The following TXNDC12 variants were observed in gnomAD, a reference collection of about 807,000 sequenced individuals.
The protein encoded by TXNDC12 is thioredoxin domain-containing protein 12.
Under a neutral mutation model 24.2 loss-of-function variants are expected in TXNDC12, and 22 were observed. The ratio of observed to expected loss-of-function variants is 0.91; its 90% CI spans 0.65 to 1.30. TXNDC12 has a LOEUF of 1.30. TXNDC12 is among the 50% of genes most tolerant of loss of function. The probability of loss-of-function intolerance (pLI) is 0.00; values close to 1 mark genes in which losing one functional copy is unlikely to be tolerated. For missense variants in TXNDC12, 184 were observed against 205.8 expected (o/e 0.89, Z 0.65); for synonymous variants, 58 against 73.4 (o/e 0.79, Z 1.07).
chr1:52,039,649 G>A (rs994949680), intron 2 of TXNDC12, among the ~76,000 whole-genome samples: 1 of 152,106 alleles, frequency 6.6e-6, no homozygotes, highest in Non-Finnish European at 1.5e-5. Flanking sequence ...ACGTTATACT[G>A]CGATACGCAA....
At position 52,020,922 on chromosome 1, in the gene TXNDC12, G is replaced by A; in HGVS notation, c.*11C>T. On this transcript the variant is annotated 3_prime_UTR_variant, in exon 7 of 7. Transcript: ENST00000371626. ...AACACTAACTCTGATGAAAGAAGGG[G>A]CACATTCATGTTACAATTCATCTTC... is the stretch of plus-strand genomic sequence containing the variant. 2 of 1,606,000 alleles carry A rather than the reference G, an allele frequency of 1.2e-6. No individual in the cohort carries two copies. Among genetic ancestry groups the A allele is most frequent in the Non-Finnish European group, 1.7e-6 (2 of 1,172,670 alleles).
intron 2 of TXNDC12, chr1:52,033,143 CG>C: frequency 6.2e-7 from 1 of 1,614,126 alleles, no homozygotes; most frequent in Non-Finnish European, 8.5e-7. Flanking sequence ...TCCAGGAGTT[CG>C]GGAGAGTAAA....
At chr1:52,052,023 GT>G (rs1686215509) in intron 1 of TXNDC12, among the ~76,000 whole-genome samples, 1 of 152,122 alleles carries the variant, frequency 6.6e-6, no homozygotes, top group South Asian at 2.1e-4. Flanking sequence ...TATTTTCTAA[GT>G]GTCCGACACA....
At chr1:52,021,998 A>C (rs1297437143) in intron 6 of TXNDC12, among the ~76,000 whole-genome samples, 1 of 152,022 alleles carries the variant, frequency 6.6e-6, no homozygotes, top group Admixed American at 6.6e-5. Context: ...GGTGAATCTC[A>C]AGATACAAGA....
chr1:52,050,430 T>C (rs1017032873), intron 1 of TXNDC12, among the ~76,000 whole-genome samples: 12 of 152,206 alleles, frequency 7.9e-5, no homozygotes, highest in Non-Finnish European at 1.6e-4. Context: ...CCCTATAACA[T>C]TAATTTTTTA....
intron 1 of TXNDC12, among the ~76,000 whole-genome samples, chr1:52,053,201 T>G (rs1475551904): frequency 6.6e-6 from 1 of 151,112 alleles, no homozygotes; most frequent in African/African-American, 2.4e-5. Flanking sequence ...AGGCAGAAGT[T>G]GCAGTAAGCC....
intron 4 of TXNDC12, 47 bp from the exon 5 acceptor site, chr1:52,024,626 T>C: frequency 2.7e-6 from 4 of 1,472,632 alleles, no homozygotes; most frequent in Non-Finnish European, 2.8e-6. Context: ...GTCCTCTCTC[T>C]CCTCAAAACC....
chr1:52,033,849 C>T (rs1685832026), intron 2 of TXNDC12: 2 of 1,453,686 alleles, frequency 1.4e-6, no homozygotes, highest in East Asian at 5.0e-5. Context: ...GCAAACTGCT[C>T]TTCCTGTCTC....
intron 2 of TXNDC12, among the ~76,000 whole-genome samples, chr1:52,037,503 G>A (rs1431559006): frequency 2.6e-5 from 4 of 152,086 alleles, no homozygotes; most frequent in African/African-American, 9.7e-5. Flanking sequence ...GAGCCACTGG[G>A]CCCAGCCGCA....
rs143151768 is a variant in TXNDC12, at chr1:52,052,622, C to T, written c.97+2378G>A. ...TCATAGAACAGGGACAAGCCTTTCC[C>T]AGTGTGCCTTGTTTGAATTCCTTAC... On this transcript the variant is annotated intron_variant, in intron 1 of 6. Transcript: ENST00000371626. The T allele has an allele frequency of 4.7e-3, 748 of 159,360 alleles. 4 individuals carry two copies. Among genetic ancestry groups the T allele is most frequent in the African/African-American group, 0.017 (706 of 41,588 alleles). 9.9% of individuals were successfully genotyped at this position (159,360 alleles called of 1,614,324 possible). A position where few individuals can be genotyped will look rare whatever the true frequency, so the allele number is the denominator to read the frequency against.
intron 4 of TXNDC12, among the ~76,000 whole-genome samples, chr1:52,025,040 C>G (rs541822547): frequency 6.6e-6 from 1 of 152,320 alleles, no homozygotes; most frequent in South Asian, 2.1e-4. Context: ...TCTTCCCACA[C>G]TAGCATGTTA....
At chr1:52,041,058 C>G (rs541702815) in intron 2 of TXNDC12, among the ~76,000 whole-genome samples, 2 of 144,318 alleles carry the variant, frequency 1.4e-5, no homozygotes, top group Non-Finnish European at 3.0e-5. Flanking sequence ...AAAGGCCGGG[C>G]GCGGTGGCTC....
At chr1:52,049,761 C>T (rs2124393508) in intron 1 of TXNDC12, among the ~76,000 whole-genome samples, 1 of 150,980 alleles carries the variant, frequency 6.6e-6, no homozygotes, top group East Asian at 1.9e-4. Flanking sequence ...TGGTTTTGAA[C>T]TCCTGGCCTC....
chr1:52,054,640 G>C (rs907740538), intron 1 of TXNDC12, among the ~76,000 whole-genome samples: 1 of 152,212 alleles, frequency 6.6e-6, no homozygotes, highest in East Asian at 1.9e-4. Flanking sequence ...AGGGTCCTCT[G>C]CATATGCAGG....
At position 52,021,013 on chromosome 1, in the gene TXNDC12, C is replaced by T; in HGVS notation, c.440-1G>A. On this transcript the variant is annotated splice_acceptor_variant, in intron 6 of 6. Coordinates refer to ENST00000371626, the MANE Select transcript of TXNDC12 (RefSeq NM_015913.4). LOFTEE classifies it high-confidence loss of function. Reference sequence around the variant, plus strand: ...TGAGCTTCCTTCATCCCCTGAACAACTGTGAAATAAAGATTGGAGGAAAAA... The same window carrying T: ...TGAGCTTCCTTCATCCCCTGAACAATTGTGAAATAAAGATTGGAGGAAAAA... 6.2e-7 allele frequency: 1 copy of T among 1,612,110 alleles called. No homozygotes were observed. The highest frequency in any genetic ancestry group is 8.5e-7 in the Non-Finnish European group (1 of 1,178,218).
intron 1 of TXNDC12, among the ~76,000 whole-genome samples, chr1:52,045,530 C>T (rs1686075843): frequency 6.6e-6 from 1 of 152,108 alleles, no homozygotes; most frequent in African/African-American, 2.4e-5. Flanking sequence ...AGAAACCAAC[C>T]CTACCAAGAC....
At chr1:52,053,903 G>A (rs1686269481) in intron 1 of TXNDC12, among the ~76,000 whole-genome samples, 1 of 152,102 alleles carries the variant, frequency 6.6e-6, no homozygotes, top group Non-Finnish European at 1.5e-5. Context: ...TGTTTTCCCA[G>A]CACTTGTTCC....
intron 1 of TXNDC12, among the ~76,000 whole-genome samples, chr1:52,054,527 TAC>T (rs1686287359): frequency 6.6e-6 from 1 of 152,232 alleles, no homozygotes; most frequent in African/African-American, 2.4e-5. Flanking sequence ...ATGCACTAGA[TAC>T]AGCTACCTGG....
chr1:52,052,726 A>T (rs1418564927), intron 1 of TXNDC12: 1 of 152,398 alleles, frequency 6.6e-6, no homozygotes, highest in Non-Finnish European at 1.5e-5. Flanking sequence ...AACAATGGTA[A>T]CTGGAACAAC....
Sources: allele counts gnomAD v4.1 joint callset (sites outside exome capture counted in the v4.1 genomes callset), GRCh38; gene constraint gnomAD v4.1.1; transcripts MANE v1.5; gene names NCBI Gene and HGNC (gene_info 2026-07-23, HGNC 2026-07-21).